The following KCTD8 variants were observed in gnomAD, a reference collection of about 807,000 sequenced individuals.
KCTD8 encodes the protein BTB/POZ domain-containing protein KCTD8.
A neutral mutation model predicts 31.5 loss-of-function variants in KCTD8; 27 were observed. That is an observed-to-expected ratio of 0.86 (90% CI 0.63 to 1.18). The LOEUF (loss-of-function observed/expected upper bound fraction) is 1.18, where lower values mean the gene tolerates loss of function less well. Ranked by LOEUF, KCTD8 falls within the 50% of genes most tolerant of loss-of-function variation. KCTD8 has a pLI of 0.00. For synonymous variants in KCTD8, 290 were observed against 280.0 expected, an observed-to-expected ratio of 1.04 and a Z score of -0.36; for missense variants, 658 against 647.7, an observed-to-expected ratio of 1.02 and a Z score of -0.17.
intron 1 of KCTD8, among the ~76,000 whole-genome samples, chr4:44,342,520 A>T (rs1477662308): frequency 6.6e-6 from 1 of 152,168 alleles, no homozygotes; most frequent in African/African-American, 2.4e-5. Flanking sequence ...AAGTATATTT[A>T]GCATAATTCT....
intron 1 of KCTD8, among the ~76,000 whole-genome samples, chr4:44,306,947 CAA>C (rs1717821821): frequency 6.6e-6 from 1 of 151,796 alleles, no homozygotes; most frequent in Non-Finnish European, 1.5e-5. Context: ...TCTGAAAAAT[CAA>C]AAGATATAAA....
chr4:44,334,024 ATAGC>A (rs1269600054), intron 1 of KCTD8, among the ~76,000 whole-genome samples: 1 of 152,158 alleles, frequency 6.6e-6, no homozygotes, highest in Non-Finnish European at 1.5e-5. Context: ...CTACCCATTT[ATAGC>A]TAATTTAAAA....
intron 1 of KCTD8, among the ~76,000 whole-genome samples, chr4:44,270,632 G>T (rs1716565710): frequency 6.6e-6 from 1 of 152,050 alleles, no homozygotes; most frequent in Admixed American, 6.6e-5. Flanking sequence ...GTTTGAAAAA[G>T]GCTTTGGATA....
At chr4:44,246,835 T>C (rs1053250003) in intron 1 of KCTD8, among the ~76,000 whole-genome samples, 8 of 152,050 alleles carry the variant, frequency 5.3e-5, no homozygotes, top group South Asian at 2.1e-4. Flanking sequence ...CTTTGAGATG[T>C]AGAGCACATA....
intron 1 of KCTD8, among the ~76,000 whole-genome samples, chr4:44,384,785 G>T (rs1560441667): frequency 1.3e-5 from 2 of 151,608 alleles, no homozygotes; most frequent in African/African-American, 2.4e-5. Flanking sequence ...TAGAAGAGAG[G>T]ATTATGAAAG....
At position 44,293,022 on chromosome 4, in the gene KCTD8, G is replaced by T. The variant is rs191693900; in HGVS notation, c.962-117772C>A. On this transcript the variant is annotated intron_variant, in intron 1 of 1. Transcript: ENST00000360029. ...TTCTACAAGACTCTTTGTAGATAAGGGCTTGTAGATAATTTTTTCAGATCA... is the reference window on the plus strand; with the variant it reads ...TTCTACAAGACTCTTTGTAGATAAGTGCTTGTAGATAATTTTTTCAGATCA... Among the ~76,000 whole-genome samples, 394 of 151,976 alleles carry T rather than the reference G, an allele frequency of 2.6e-3. 2 individuals are homozygous for T. The highest frequency in any genetic ancestry group is 4.5e-3 in the Non-Finnish European group (307 of 67,950).
intron 1 of KCTD8, among the ~76,000 whole-genome samples, chr4:44,420,281 T>G (rs781520225): frequency 1.8e-4 from 28 of 152,174 alleles, no homozygotes; most frequent in Non-Finnish European, 2.9e-5. Context: ...ATTATTTGAG[T>G]GTGAAGGTCA....
chr4:44,391,292 C>T (rs1308913346), intron 1 of KCTD8, among the ~76,000 whole-genome samples: 1 of 151,752 alleles, frequency 6.6e-6, no homozygotes, highest in African/African-American at 2.4e-5. Flanking sequence ...TTAATGTAAC[C>T]AAATACCACT....
At chr4:44,419,509 ATT>A (rs1421277030) in intron 1 of KCTD8, among the ~76,000 whole-genome samples, 1 of 152,172 alleles carries the variant, frequency 6.6e-6, no homozygotes, top group Non-Finnish European at 1.5e-5. Flanking sequence ...CATGTGCCAC[ATT>A]TATGCAGCCA....
intron 1 of KCTD8, among the ~76,000 whole-genome samples, chr4:44,210,174 C>G (rs992680881): frequency 1.2e-4 from 18 of 152,242 alleles, no homozygotes; most frequent in African/African-American, 4.3e-4. Context: ...ATTTTTTTCC[C>G]TGAAAGTGTA....
intron 1 of KCTD8, among the ~76,000 whole-genome samples, chr4:44,266,506 T>C (rs1425236968): frequency 6.6e-6 from 1 of 152,122 alleles, no homozygotes; most frequent in Non-Finnish European, 1.5e-5. Flanking sequence ...AATAACCAGC[T>C]AACAACATAA....
chr4:44,178,703 A>C (rs1369262597), intron 1 of KCTD8, among the ~76,000 whole-genome samples: 1 of 152,200 alleles, frequency 6.6e-6, no homozygotes, highest in East Asian at 1.9e-4. Context: ...CAATAATATC[A>C]AAGTGAAAGA....
intron 1 of KCTD8, among the ~76,000 whole-genome samples, chr4:44,284,837 A>G (rs1717007910): frequency 6.6e-6 from 1 of 152,248 alleles, no homozygotes; most frequent in African/African-American, 2.4e-5. Context: ...TTCTCAAAAG[A>G]AGACATTTAT....
In KCTD8 at chr4:44,243,161, T is replaced by A. The variant is rs1363382595; in HGVS notation, c.962-67911A>T. 2.6e-5 allele frequency among the ~76,000 whole-genome samples: 4 copies of A among 152,128 alleles called. No individual in the cohort carries two copies. The East Asian group carries it at 7.7e-4, about 29-fold the overall frequency. On this transcript the variant is annotated intron_variant, in intron 1 of 1. Coordinates refer to ENST00000360029, the MANE Select transcript of KCTD8 (RefSeq NM_198353.3). The stretch of plus-strand genomic sequence containing the variant: ...GGAAATGATGAAAGACAGAAAGGAA[T>A]AATTTTAAAGTCAAAAGAGGCAACT...
intron 1 of KCTD8, among the ~76,000 whole-genome samples, chr4:44,267,468 C>T (rs1261267472): frequency 1.3e-5 from 2 of 152,132 alleles, no homozygotes; most frequent in Non-Finnish European, 2.9e-5. Flanking sequence ...GACACCCTAA[C>T]ATCACAATTA....
At chr4:44,252,916 G>T (rs950790585) in intron 1 of KCTD8, among the ~76,000 whole-genome samples, 1 of 151,628 alleles carries the variant, frequency 6.6e-6, no homozygotes, top group Admixed American at 6.6e-5. Context: ...CAGTTTGAAG[G>T]TTCATCATAA....
At chr4:44,338,484 C>A (rs1718812964) in intron 1 of KCTD8, among the ~76,000 whole-genome samples, 4 of 152,078 alleles carry the variant, frequency 2.6e-5, no homozygotes, top group Admixed American at 2.6e-4. Context: ...GCAACTTATG[C>A]TTTGTCTCTA....
intron 1 of KCTD8, among the ~76,000 whole-genome samples, chr4:44,289,290 A>T (rs1717199032): frequency 6.6e-6 from 1 of 151,774 alleles, no homozygotes; most frequent in African/African-American, 2.4e-5. Flanking sequence ...TACCAATAAA[A>T]TCTCACAATA....
At chr4:44,324,112 C>A (rs1286650205) in intron 1 of KCTD8, among the ~76,000 whole-genome samples, 1 of 149,302 alleles carries the variant, frequency 6.7e-6, no homozygotes, top group South Asian at 2.1e-4. Context: ...ACAAGAAAGT[C>A]CAGAGAGTAC....
Sources: allele counts gnomAD v4.1 joint callset (sites outside exome capture counted in the v4.1 genomes callset), GRCh38; gene constraint gnomAD v4.1.1; transcripts MANE v1.5; gene names NCBI Gene and HGNC (gene_info 2026-07-23, HGNC 2026-07-21).